The following NSMF variants were observed in gnomAD, a reference collection of about 807,000 sequenced individuals.
NSMF encodes the protein nasal embryonic LHRH factor.
Under a neutral mutation model 71.0 loss-of-function variants are expected in NSMF, and 31 were observed. The observed-to-expected ratio is 0.44, with a 90% CI of 0.33 to 0.59. The LOEUF is 0.59. Among genes scored for constraint, NSMF ranks in the 20% least tolerant of loss-of-function variants. NSMF has a pLI of 0.04. For missense variants in NSMF, 673 were observed against 740.5 expected (o/e 0.91, Z 1.06); for synonymous variants, 345 against 287.1 (o/e 1.20, Z -2.04).
At position 137,452,592 on chromosome 9, in the gene NSMF, G is replaced by A. The variant is rs568801039; in HGVS notation, c.1132-6C>T. The stretch of plus-strand genomic sequence containing the variant: ...AAGGTTGCGTGCTCATGGTCCTGGG[G>A]ACAGACACAGGCCACAAGGCCACAT... On this transcript the variant is annotated splice_polypyrimidine_tract_variant and splice_region_variant and intron_variant, in intron 10 of 15. Transcript: ENST00000371475. The A allele has an allele frequency of 1.9e-4, 304 of 1,612,616 alleles. 4 individuals carry two copies. In the South Asian group the frequency reaches 2.8e-3, roughly 15 times the overall value.
rs1330273059 is a variant in NSMF at position 137,449,177 on chromosome 9, C to T, written c.*217G>A. The T allele has an allele frequency of 2.2e-5, 13 of 601,624 alleles. No individual in the cohort carries two copies. The highest frequency in any genetic ancestry group is 3.3e-5 in the Non-Finnish European group (11 of 335,762). 37.3% of individuals were successfully genotyped at this position (601,624 alleles called of 1,614,324 possible). On this transcript the variant is annotated 3_prime_UTR_variant, in exon 16 of 16. Coordinates refer to ENST00000371475, the MANE Select transcript of NSMF (RefSeq NM_001130969.3). Reference sequence around the variant, plus strand: ...CGCTGAGCATCCACGGGCCACAGGGCGGGATCCTCCCGGCCCCCAGGGACT... The same window carrying T: ...CGCTGAGCATCCACGGGCCACAGGGTGGGATCCTCCCGGCCCCCAGGGACT...
At position 137,449,490 on chromosome 9, in the gene NSMF, C is replaced by T; in HGVS notation, c.1497G>A (p.Gly499=). 6.2e-7 allele frequency: 1 copy of T among 1,612,862 alleles called. No homozygotes were observed. The highest frequency in any genetic ancestry group is 8.5e-7 in the Non-Finnish European group (1 of 1,179,916). ...FESPLELSAQ[G]KQMIETYFDF... is the part of the protein sequence containing the mutation. ...CAAAGTACGTCTCGATCATCTGCTT[C>T]CCTGGGCGGAGCGGGGGCAGGAGGC... Residue 499 remains glycine, a splice_region_variant and synonymous_variant, in exon 16 of 16, where the codon GGG becomes GGA. Coordinates refer to ENST00000371475, the MANE Select transcript of NSMF (RefSeq NM_001130969.3).
rs371306550 is a variant in NSMF, at chr9:137,457,457, G to A, written c.578C>T (p.Ser193Phe). ...CCTCTCCAGCTTCTTGCGGCGACCG[G>A]AGGTCTCAGGCAGAGGTGGCTGGTC... ...GLDQPPLPET[S>F]GRRKKLERMY... Residue 193 changes from serine (S) to phenylalanine (F), a missense_variant, in exon 3 of 16, where the codon TCC (serine) becomes TTC (phenylalanine). Around this residue, in one of 2 missense-constraint regions of NSMF, gnomAD observed 471 missense variants for 459.6 expected, o/e 1.02. Transcript: ENST00000371475. 2 of 1,612,726 alleles carry A rather than the reference G, an allele frequency of 1.2e-6. No homozygotes were observed. The highest frequency in any genetic ancestry group is 1.3e-5 in the African/African-American group (1 of 74,932).
rs559314473 is a variant in NSMF, at chr9:137,456,337, G to T, written c.704+74C>A. On this transcript the variant is annotated intron_variant, in intron 4 of 15. Transcript: ENST00000371475. ...CCCCCCTGGTAGGCCCAGAGACTGG[G>T]AAAAAGTGCTGTTTCCTGAGCAGCA... The T allele has an allele frequency of 1.5e-4, 190 of 1,247,628 alleles. No homozygotes were observed. In the African/African-American group the frequency reaches 2.4e-3, roughly 16 times the overall value. 77.3% of individuals were successfully genotyped at this position (1,247,628 alleles called of 1,614,324 possible).
intron 6 of NSMF, 187 bp downstream of exon 6, chr9:137,455,052 G>C: frequency 1.3e-6 from 1 of 751,760 alleles, no homozygotes; most frequent in Non-Finnish European, 2.4e-6. Flanking sequence ...GTGCAGGACT[G>C]AGGGTGAGAT....
intron 5 of NSMF, 97 bp downstream of exon 5, chr9:137,455,531 GA>G: frequency 1.4e-6 from 2 of 1,403,258 alleles, no homozygotes; most frequent in East Asian, 5.0e-5. Flanking sequence ...ACTCCCTCAA[GA>G]CCCAGGTCCC....
In NSMF at chr9:137,459,164, G is replaced by C. The variant is rs1293278960; in HGVS notation, c.-62C>G. The C allele has an allele frequency of 8.9e-7, 1 of 1,119,904 alleles. No individual in the cohort carries two copies. The highest frequency in any genetic ancestry group is 4.4e-5 in the East Asian group (1 of 22,958). 69.4% of individuals were successfully genotyped at this position (1,119,904 alleles called of 1,614,324 possible). A position where few individuals can be genotyped will look rare whatever the true frequency, so the allele number is the denominator to read the frequency against. On this transcript the variant is annotated 5_prime_UTR_variant, in exon 1 of 16. Transcript: ENST00000371475. ...GCGCCCCGCGCCCGCCGCCTCCGCC[G>C]GGGTAGCCGCGCCGCACCGGGGGTC...
intron 14 of NSMF, 23 bp downstream of exon 14, chr9:137,449,900 G>A (rs376491262): frequency 3.8e-5 from 60 of 1,588,784 alleles, no homozygotes; most frequent in Non-Finnish European, 5.0e-5. Context: ...GAGGTCTGGG[G>A]TGGGGCTTGG....
At position 137,449,265 on chromosome 9, in the gene NSMF, C is replaced by CT; in HGVS notation, c.*128dup. On this transcript the variant is annotated 3_prime_UTR_variant, in exon 16 of 16. Coordinates refer to ENST00000371475, the MANE Select transcript of NSMF (RefSeq NM_001130969.3). ...CCCACAGGGGGAACCTGAGCAACGT[C>CT]TGAGGTGCCCTGAAGTGGCTCCAGG... The CT allele has an allele frequency of 2.6e-6, 2 of 774,866 alleles. No individual in the cohort carries two copies. Among genetic ancestry groups the CT allele is most frequent in the Non-Finnish European group, 4.4e-6 (2 of 453,630 alleles). 48.0% of individuals were successfully genotyped at this position (774,866 alleles called of 1,614,324 possible).
chr9:137,453,297 G>A lies in NSMF; in HGVS notation c.923-117C>T. The A allele has an allele frequency of 6.8e-7, 1 of 1,472,956 alleles. No homozygotes were observed. The highest frequency in any genetic ancestry group is 9.2e-7 in the Non-Finnish European group (1 of 1,081,796). The allele number at this position is 1,472,956 out of a possible 1,614,324, so 91.2% of individuals were successfully genotyped here. ...TCCCGGAGGGTCCTCCAAGCAAGTGGGAGGACCATACAGAGGTCGCCGCCA... is the reference window on the plus strand; with the variant it reads ...TCCCGGAGGGTCCTCCAAGCAAGTGAGAGGACCATACAGAGGTCGCCGCCA... On this transcript the variant is annotated intron_variant, in intron 8 of 15. Transcript: ENST00000371475. The surrounding 1 kb of genome is among the most constrained non-coding windows in gnomAD (Gnocchi z 4.5).
In NSMF at chr9:137,455,292, G is replaced by A. The variant is rs1440799228; in HGVS notation, c.726C>T (p.Tyr242=). The change falls in exon 6 of 16, where the codon TAC becomes TAT. Residue 242 remains tyrosine (Y), a synonymous_variant. Transcript: ENST00000371475. ...TMQAISVFRG[Y]AERKRRKREN... ...CCCGTTTCCGGCGCTTCCTCTCCGCGTAGCCCCTGAACACCCTGGGAAACC... is the reference window on the plus strand; with the variant it reads ...CCCGTTTCCGGCGCTTCCTCTCCGCATAGCCCCTGAACACCCTGGGAAACC... The A allele has an allele frequency of 7.4e-6, 12 of 1,612,644 alleles. No homozygotes were observed. Among genetic ancestry groups the A allele is most frequent in the African/African-American group, 2.7e-5 (2 of 74,952 alleles).
Position 137,449,297 on chromosome 9 carries a change from C to G in NSMF, c.*97G>C. The G allele has an allele frequency of 3.8e-6, 4 of 1,041,656 alleles. No individual in the cohort carries two copies. The South Asian group carries it at 5.2e-5, about 14-fold the overall frequency. 64.5% of individuals were successfully genotyped at this position (1,041,656 alleles called of 1,614,324 possible). ...GCCCTGAAGTGGCTCCAGGCGAGACCGGAGCCACACAGTCCCGGGGAGCAC... is the reference window on the plus strand; with the variant it reads ...GCCCTGAAGTGGCTCCAGGCGAGACGGGAGCCACACAGTCCCGGGGAGCAC... On this transcript the variant is annotated 3_prime_UTR_variant, in exon 16 of 16. Coordinates refer to ENST00000371475, the MANE Select transcript of NSMF (RefSeq NM_001130969.3).
chr9:137,454,360 G>T (rs369265688), intron 7 of NSMF, 31 bp downstream of exon 7: 2 of 1,544,238 alleles, frequency 1.3e-6, no homozygotes, highest in African/African-American at 2.7e-5. Context: ...GCGCAACGCC[G>T]CCCCCCCACC....
rs1830640283 is a variant in NSMF, at chr9:137,453,315, C to T, written c.923-135G>A. On this transcript the variant is annotated intron_variant, in intron 8 of 15. Coordinates refer to ENST00000371475, the MANE Select transcript of NSMF (RefSeq NM_001130969.3). This position sits in a 1 kb window ranked among gnomAD's most constrained non-coding sequence, Gnocchi z 4.5. ...GCAAGTGGGAGGACCATACAGAGGT[C>T]GCCGCCAGCCCGGCAGGACAGGCCT... is the stretch of plus-strand genomic sequence containing the variant. 7.8e-7 allele frequency: 1 copy of T among 1,277,084 alleles called. No homozygotes were observed. Among genetic ancestry groups the T allele is most frequent in the Non-Finnish European group, 1.1e-6 (1 of 915,882 alleles). 79.1% of individuals were successfully genotyped at this position (1,277,084 alleles called of 1,614,324 possible). A position where few individuals can be genotyped will look rare whatever the true frequency, so the allele number is the denominator to read the frequency against.
chr9:137,454,034 G>C (rs1830694566), intron 7 of NSMF, among the ~76,000 whole-genome samples: 1 of 151,284 alleles, frequency 6.6e-6, no homozygotes, highest in Admixed American at 6.6e-5. Flanking sequence ...AGTCTGGGAA[G>C]GGAGGAGCCT....
chr9:137,457,931 C>A, intron 2 of NSMF, 30 bp from the exon 3 acceptor site: 1 of 1,537,244 alleles, frequency 6.5e-7, no homozygotes, highest in Non-Finnish European at 8.7e-7. Flanking sequence ...AGCCTGCCTG[C>A]CGCGTGTGGG....
Position 137,453,341 on chromosome 9 carries a change from G to A in NSMF, c.923-161C>T. ...GCCGCCAGCCCGGCAGGACAGGCCT[G>A]TGGACACCACTGGGCAGCGGCCTGA... On this transcript the variant is annotated intron_variant, in intron 8 of 15. Transcript: ENST00000371475. The surrounding 1 kb of genome is among the most constrained non-coding windows in gnomAD (Gnocchi z 4.5). 1.0e-6 allele frequency: 1 copy of A among 979,352 alleles called. No homozygotes were observed. The allele number at this position is 979,352 out of a possible 1,614,324, so 60.7% of individuals were successfully genotyped here.
At chr9:137,452,619 A>G in intron 10 of NSMF, 33 bp from the exon 11 acceptor site, 1 of 1,612,436 alleles carries the variant, frequency 6.2e-7, no homozygotes, top group Non-Finnish European at 8.5e-7. Flanking sequence ...AGGCCACATC[A>G]AGGCTGCGTC....
chr9:137,453,078 C>T lies in NSMF; in HGVS notation c.1025G>A (p.Gly342Asp), dbSNP rs773769629. ...CACCATGACCTTTGGTGGCACGAAG[C>T]CTTCGGTGTCGCAGGCCACAGCCTC... ...GLEAVACDTE[G>D]FVPPKVMLIS... Residue 342 changes from glycine to aspartate, a missense_variant, in exon 9 of 16, where the codon GGC becomes GAC. By Grantham distance (94) the Gly-to-Asp change is moderately conservative (BLOSUM62 -1). Coordinates refer to ENST00000371475, the MANE Select transcript of NSMF (RefSeq NM_001130969.3). The surrounding 1 kb of genome is among the most constrained non-coding windows in gnomAD (Gnocchi z 4.5). 1.2e-6 allele frequency: 2 copies of T among 1,612,508 alleles called. No individual in the cohort carries two copies. Among genetic ancestry groups the T allele is most frequent in the Non-Finnish European group, 1.7e-6 (2 of 1,179,914 alleles).
Sources: gnomAD v4.1 joint callset for allele counts (sites outside exome capture counted in the v4.1 genomes callset) on GRCh38, gnomAD v4.1.1 for gene constraint, gnomAD v4.1.1 regional missense constraint, Gnocchi (gnomAD v3.1) non-coding constraint, MANE v1.5 for transcripts, NCBI Gene and HGNC (gene_info 2026-07-23, HGNC 2026-07-21) for gene names.